Variants in RABGAP1L observed in about 807,000 individuals in gnomAD.
RABGAP1L encodes the protein RAB GTPase activating protein 1 like.
A neutral mutation model predicts 137.7 loss-of-function variants in RABGAP1L; 63 were observed. That is an observed-to-expected ratio of 0.46 (90% CI 0.37 to 0.56). The LOEUF is 0.56. RABGAP1L is among the 20% of genes least tolerant of loss of function. RABGAP1L has a pLI of 0.00. For missense variants in RABGAP1L, 1,095 were observed against 1,244.0 expected, an observed-to-expected ratio of 0.88 and a Z score of 1.80; for synonymous variants, 431 against 433.7, an observed-to-expected ratio of 0.99 and a Z score of 0.08.
At chr1:174,937,082 G>A (rs772698142) in intron 19 of RABGAP1L, among the ~76,000 whole-genome samples, 6 of 139,824 alleles carry the variant, frequency 4.3e-5, no homozygotes, top group Admixed American at 7.7e-5. Flanking sequence ...GAGTTCAAGC[G>A]ATTCTTCTGC....
intron 7 of RABGAP1L, among the ~76,000 whole-genome samples, chr1:174,258,702 G>A (rs1673324048): frequency 6.6e-6 from 1 of 152,028 alleles, no homozygotes; most frequent in Non-Finnish European, 1.5e-5. Flanking sequence ...TCTTCTGAAC[G>A]AGAAAATAAA....
chr1:174,654,760 T>C (rs1675840541), intron 14 of RABGAP1L, among the ~76,000 whole-genome samples: 2 of 152,180 alleles, frequency 1.3e-5, no homozygotes, highest in South Asian at 4.1e-4. Flanking sequence ...AACTTACATA[T>C]AGGAATTTTG....
chr1:174,163,756 G>GA (rs1664695201), intron 1 of RABGAP1L, among the ~76,000 whole-genome samples: 1 of 151,678 alleles, frequency 6.6e-6, no homozygotes, highest in Non-Finnish European at 1.5e-5. Context: ...TAAATAAGAG[G>GA]AAAATAAGAC....
chr1:174,734,803 A>G (rs898294210), intron 17 of RABGAP1L, among the ~76,000 whole-genome samples: 13 of 152,166 alleles, frequency 8.5e-5, no homozygotes, highest in African/African-American at 2.9e-4. Flanking sequence ...AATTATTTAA[A>G]ATACAAATAA....
intron 18 of RABGAP1L, among the ~76,000 whole-genome samples, chr1:174,802,325 G>T (rs1688831092): frequency 6.6e-6 from 1 of 152,180 alleles, no homozygotes; most frequent in South Asian, 2.1e-4. Context: ...GCATATGCTA[G>T]GCCAGATGCA....
In RABGAP1L at chr1:174,477,543, G is replaced by C. The variant is rs552151702; in HGVS notation, c.1710+83398G>C. On this transcript the variant is annotated intron_variant, in intron 13 of 25. Transcript: ENST00000681986. ...GATGGCTATTTCACATAATTTTCTG[G>C]TATTTGCTTTCTATAGCATTGTTTT... is the stretch of plus-strand genomic sequence containing the variant. Among the ~76,000 whole-genome samples the C allele has an allele frequency of 3.3e-5, 5 of 152,236 alleles. No individual in the cohort carries two copies. The East Asian group carries it at 9.6e-4, about 29-fold the overall frequency.
At chr1:174,226,072 G>GC (rs538946632) in intron 3 of RABGAP1L, among the ~76,000 whole-genome samples, 7 of 152,194 alleles carry the variant, frequency 4.6e-5, no homozygotes, top group Admixed American at 4.6e-4. Context: ...ATACTCTCTA[G>GC]TTTGCAGGGA....
intron 13 of RABGAP1L, among the ~76,000 whole-genome samples, chr1:174,536,346 G>A (rs993013817): frequency 6.6e-6 from 1 of 151,936 alleles, no homozygotes; most frequent in Admixed American, 6.6e-5. Context: ...TTGTTTGCGT[G>A]TGTGAAAAAA....
In RABGAP1L at chr1:174,241,670, T is replaced by C. The variant is rs767736081; in HGVS notation, c.717+13T>C. On this transcript the variant is annotated intron_variant, in intron 5 of 25. Coordinates refer to ENST00000681986, the MANE Select transcript of RABGAP1L (RefSeq NM_001366446.1). ...AATTAAAGAGGCAGTAAGTATAATA[T>C]AGTATAGCAATTTGCTATAGAGATG... 2.7e-5 allele frequency: 43 copies of C among 1,590,842 alleles called. 1 individual carries two copies. The South Asian group carries it at 2.8e-4, about 10-fold the overall frequency.
At chr1:174,295,816 G>C (rs745376555) in intron 10 of RABGAP1L, among the ~76,000 whole-genome samples, 1 of 152,070 alleles carries the variant, frequency 6.6e-6, no homozygotes, top group Non-Finnish European at 1.5e-5. Flanking sequence ...ACCACAAGTG[G>C]CCTGATAATG....
At chr1:174,722,088 T>C (rs1337050827) in intron 17 of RABGAP1L, among the ~76,000 whole-genome samples, 14 of 151,948 alleles carry the variant, frequency 9.2e-5, no homozygotes, top group Admixed American at 9.2e-4. Context: ...TGCGCCACCA[T>C]GCCCAGCTAA....
chr1:174,925,876 G>GTTTTTTTGTGTGGTTTTTTTTTTTTTT (rs1662717041), intron 19 of RABGAP1L, among the ~76,000 whole-genome samples: 3 of 108,666 alleles, frequency 2.8e-5, no homozygotes, highest in African/African-American at 2.9e-5. Flanking sequence ...TTTTGTTTTT[G>GTTTTTTTGTGTGGTTTTTTTTTTTTTT]TTTTTTTTTT....
chr1:174,702,745 T>C (rs886254454), intron 17 of RABGAP1L, among the ~76,000 whole-genome samples: 9 of 152,156 alleles, frequency 5.9e-5, no homozygotes, highest in African/African-American at 2.2e-4. Flanking sequence ...TTATGTCATA[T>C]AATTATATTT....
chr1:174,380,458 A>G (rs1184933719), intron 12 of RABGAP1L, among the ~76,000 whole-genome samples: 4 of 150,728 alleles, frequency 2.7e-5, no homozygotes, highest in East Asian at 2.0e-4. Flanking sequence ...TATTGCCACA[A>G]TTTCAGCTCC....
chr1:174,590,395 A>G (rs1364062960), intron 13 of RABGAP1L, among the ~76,000 whole-genome samples: 4 of 114,754 alleles, frequency 3.5e-5, no homozygotes, highest in Non-Finnish European at 6.9e-5. Context: ...ACATGTGCAC[A>G]TTGTGCAGGT....
rs184205619 is a variant in RABGAP1L, at chr1:174,682,364, A to T, written c.1825-1158A>T. On this transcript the variant is annotated intron_variant, in intron 14 of 25. Coordinates refer to ENST00000681986, the MANE Select transcript of RABGAP1L (RefSeq NM_001366446.1). ...CATACATCACAACAACTAAATTTTT[A>T]AAAAAATTCTAATTCAGGGTTCAGT... is the stretch of plus-strand genomic sequence containing the variant. Among the ~76,000 whole-genome samples the T allele has an allele frequency of 9.9e-3, 1,504 of 151,764 alleles. 17 individuals carry two copies. Among genetic ancestry groups the T allele is most frequent in the Non-Finnish European group, 0.015 (1,038 of 67,924 alleles).
At chr1:174,660,066 C>T (rs1452624016) in intron 14 of RABGAP1L, among the ~76,000 whole-genome samples, 1 of 152,152 alleles carries the variant, frequency 6.6e-6, no homozygotes, top group African/African-American at 2.4e-5. Context: ...ACAGAAGAGA[C>T]AGAACAACAG....
intron 14 of RABGAP1L, among the ~76,000 whole-genome samples, chr1:174,652,469 C>T (rs1320977488): frequency 6.6e-6 from 1 of 152,138 alleles, no homozygotes; most frequent in Non-Finnish European, 1.5e-5. Flanking sequence ...TGTTGGTAAC[C>T]TTTGGATGGC....
At chr1:174,920,168 C>A (rs1353984837) in intron 19 of RABGAP1L, among the ~76,000 whole-genome samples, 1 of 152,148 alleles carries the variant, frequency 6.6e-6, no homozygotes, top group African/African-American at 2.4e-5. Flanking sequence ...TGTATTAGTC[C>A]ATTTTCACAT....
Sources: allele counts gnomAD v4.1 joint callset (sites outside exome capture counted in the v4.1 genomes callset), GRCh38; gene constraint gnomAD v4.1.1; transcripts MANE v1.5; gene names NCBI Gene and HGNC (gene_info 2026-07-23, HGNC 2026-07-21).